Variants in LMO3 observed in about 807,000 individuals in gnomAD.
LMO3 encodes the protein LIM domain only 3.
A neutral mutation model predicts 15.8 loss-of-function variants in LMO3; 2 were observed. The ratio of observed to expected loss-of-function variants is 0.13; its 90% confidence interval spans 0.05 to 0.40. The LOEUF is 0.40. Ranked by LOEUF, LMO3 falls within the 10% of genes least tolerant of loss-of-function variation. The pLI, the probability that LMO3 is intolerant of heterozygous loss-of-function variation, is 0.99. For synonymous variants in LMO3, 62 were observed against 63.8 expected, an observed-to-expected ratio of 0.97 and a Z score of 0.13; for missense variants, 86 against 182.2, an observed-to-expected ratio of 0.47 and a Z score of 3.04.
rs566588885 is a variant in LMO3, at chr12:16,550,283, CAAG to C, written c.*936_*938del. ...TGGAGAGATCTGGGCAGAATTTATA[CAAG>C]AAGAAGTTTAATTTATCACTTAAAA... On this transcript the variant is annotated 3_prime_UTR_variant, in exon 4 of 4. Transcript: ENST00000537304. 7.2e-5 allele frequency: 11 copies of C among 152,482 alleles called. No individual in the cohort carries two copies. The East Asian group carries it at 2.1e-3, about 29-fold the overall frequency. The allele number at this position is 152,482 out of a possible 1,614,324, so 9.4% of individuals were successfully genotyped here.
rs1454983314 is a variant in LMO3, at chr12:16,587,557, T to C, written c.206+13098A>G. Among the ~76,000 whole-genome samples the C allele has an allele frequency of 1.3e-5, 2 of 152,134 alleles. No individual in the cohort carries two copies. The highest frequency in any genetic ancestry group is 2.9e-5 in the Non-Finnish European group (2 of 68,008). On this transcript the variant is annotated intron_variant, in intron 2 of 3. Transcript: ENST00000537304. The surrounding 1 kb of genome is among the most constrained non-coding windows in gnomAD (Gnocchi z 4.3). ...GAGTTTTGGCCCCTTAATAGTAGCC[T>C]ACATGGTTGACTACCCTTGGTGTTA...
chr12:16,561,245 A>G (rs1403127724), intron 2 of LMO3, among the ~76,000 whole-genome samples: 1 of 152,234 alleles, frequency 6.6e-6, no homozygotes, highest in Non-Finnish European at 1.5e-5. Flanking sequence ...ATGACCTAAA[A>G]GAAGTACAAA....
At chr12:16,610,168 A>T (rs914823075), upstream of LMO3, 1 of 152,132 alleles carries the variant, frequency 6.6e-6, no homozygotes, top group Non-Finnish European at 1.5e-5. Context: ...AACTGCATAC[A>T]AAACCTGAGT....
In LMO3 at chr12:16,597,522, T is replaced by C. The variant is rs76627300; in HGVS notation, c.206+3133A>G. The C allele has an allele frequency of 5.3e-5, 8 of 151,930 alleles. No individual in the cohort carries two copies. The East Asian group carries it at 1.5e-3, about 29-fold the overall frequency. The allele number at this position is 151,930 out of a possible 1,614,324, so 9.4% of individuals were successfully genotyped here. ...TTCTTTCTGTTTATGGAGGGAGAAG[T>C]GTATTAAGAAGCTAAATGTAATTGG... is the stretch of plus-strand genomic sequence containing the variant. On this transcript the variant is annotated intron_variant, in intron 2 of 3. Transcript: ENST00000537304. The surrounding 1 kb of genome is among the most constrained non-coding windows in gnomAD (Gnocchi z 5.0).
At chr12:16,558,601 C>T (rs764575181) in intron 3 of LMO3, among the ~76,000 whole-genome samples, 1 of 152,060 alleles carries the variant, frequency 6.6e-6, no homozygotes, top group Non-Finnish European at 1.5e-5. Context: ...AAATGTTACC[C>T]TAGACTGAAT....
chr12:16,589,023 T>C lies in LMO3; in HGVS notation c.206+11632A>G, dbSNP rs1246444753. Among the ~76,000 whole-genome samples, 2 of 151,836 alleles carry C rather than the reference T, an allele frequency of 1.3e-5. No homozygotes were observed. The highest frequency in any genetic ancestry group is 2.9e-5 in the Non-Finnish European group (2 of 67,946). On this transcript the variant is annotated intron_variant, in intron 2 of 3. Coordinates refer to ENST00000537304, the MANE Select transcript of LMO3 (RefSeq NM_018640.5). The surrounding 1 kb of genome is among the most constrained non-coding windows in gnomAD (Gnocchi z 4.2). ...AGAAGAAAACGCAGACTTGGAGAGGTTGAGTAAGTTGCCTAGGAATGTGAA... is the reference window on the plus strand; with the variant it reads ...AGAAGAAAACGCAGACTTGGAGAGGCTGAGTAAGTTGCCTAGGAATGTGAA...
chr12:16,551,094 T>C lies in LMO3; in HGVS notation c.*128A>G, dbSNP rs1941971768. The C allele has an allele frequency of 4.7e-6, 3 of 632,750 alleles. No individual in the cohort carries two copies. The highest frequency in any genetic ancestry group is 2.6e-5 in the Admixed American group (1 of 38,984). The allele number at this position is 632,750 out of a possible 1,614,324, so 39.2% of individuals were successfully genotyped here. On this transcript the variant is annotated 3_prime_UTR_variant, in exon 4 of 4. Coordinates refer to ENST00000537304, the MANE Select transcript of LMO3 (RefSeq NM_018640.5). ...CAGATGCAGTCCGCCTTTTATTCCA[T>C]ATAACCATCCTGCCTTCCTATATCT...
rs1168181343 is a variant in LMO3 at position 16,589,678 on chromosome 12, A to G, written c.206+10977T>C. The G allele has an allele frequency of 2.6e-5, 4 of 152,096 alleles. No homozygotes were observed. Among genetic ancestry groups the G allele is most frequent in the South Asian group, 2.1e-4 (1 of 4,832 alleles). The allele number at this position is 152,096 out of a possible 1,614,324, so 9.4% of individuals were successfully genotyped here. A position where few individuals can be genotyped will look rare whatever the true frequency, so the allele number is the denominator to read the frequency against. On this transcript the variant is annotated intron_variant, in intron 2 of 3. Transcript: ENST00000537304. This position sits in a 1 kb window ranked among gnomAD's most constrained non-coding sequence, Gnocchi z 4.2. ...AGATTATTTAAACACCAAGCAAACT[A>G]TCAGGTCAAGATCAAGCAACTTTTC...
Position 16,559,017 on chromosome 12 carries a change from G to A in LMO3, c.332+1396C>T, listed in dbSNP as rs376833962. 1.5e-4 allele frequency among the ~76,000 whole-genome samples: 23 copies of A among 152,160 alleles called. No homozygotes were observed. The highest frequency in any genetic ancestry group is 7.7e-4 in the East Asian group (4 of 5,180). Reference sequence around the variant, plus strand: ...ATGGTGGTGCTGAAATTTGAATCCCGTTCTCACTAGAAATGTCACATTCTT... The same window carrying A: ...ATGGTGGTGCTGAAATTTGAATCCCATTCTCACTAGAAATGTCACATTCTT... On this transcript the variant is annotated intron_variant, in intron 3 of 3. Coordinates refer to ENST00000537304, the MANE Select transcript of LMO3 (RefSeq NM_018640.5). This position sits in a 1 kb window ranked among gnomAD's most constrained non-coding sequence, Gnocchi z 4.1.
At chr12:16,605,955 A>G in intron 1 of LMO3, 111 bp downstream of exon 1, 7 of 816,830 alleles carry the variant, frequency 8.6e-6, no homozygotes, top group Non-Finnish European at 1.4e-5. Context: ...ATGCCTCATT[A>G]GCAGAGGTTG....
At chr12:16,567,197 AAAACAAACAAAC>A (rs145977478) in intron 2 of LMO3, among the ~76,000 whole-genome samples, 4 of 151,448 alleles carry the variant, frequency 2.6e-5, no homozygotes, top group South Asian at 2.1e-4. Context: ...ACTCCACCTC[AAAACAAACAAAC>A]AAACAAACAA....
Position 16,550,999 on chromosome 12 carries a change from G to A in LMO3, c.*223C>T. 2 of 441,668 alleles carry A rather than the reference G, an allele frequency of 4.5e-6. No homozygotes were observed. The highest frequency in any genetic ancestry group is 1.9e-5 in the African/African-American group (1 of 51,480). The allele number at this position is 441,668 out of a possible 1,614,324, so 27.4% of individuals were successfully genotyped here. A position where few individuals can be genotyped will look rare whatever the true frequency, so the allele number is the denominator to read the frequency against. ...AACGAATAGCAAGCAAAAAAATCCA[G>A]CCATATGTACATTACTTTTTTCTTT... On this transcript the variant is annotated 3_prime_UTR_variant, in exon 4 of 4. Coordinates refer to ENST00000537304, the MANE Select transcript of LMO3 (RefSeq NM_018640.5).
intron 1 of LMO3, chr12:16,605,516 G>A (rs1591839133): frequency 1.9e-6 from 1 of 536,370 alleles, no homozygotes; most frequent in Middle Eastern, 5.7e-4. Flanking sequence ...ATGGCTGCGT[G>A]GAGAGAGGCA....
At chr12:16,552,620 G>C (rs1386942941) in intron 3 of LMO3, among the ~76,000 whole-genome samples, 1 of 151,978 alleles carries the variant, frequency 6.6e-6, no homozygotes, top group African/African-American at 2.4e-5. Flanking sequence ...AAAAGAATTA[G>C]CTTTCCTCTT....
chr12:16,605,753 C>G, intron 1 of LMO3: 1 of 1,534,988 alleles, frequency 6.5e-7, no homozygotes, highest in Non-Finnish European at 8.7e-7. Flanking sequence ...TGACTATTAT[C>G]CACTCGAGTC....
At chr12:16,565,398 G>T (rs1942565951) in intron 2 of LMO3, among the ~76,000 whole-genome samples, 1 of 152,120 alleles carries the variant, frequency 6.6e-6, no homozygotes, top group Non-Finnish European at 1.5e-5. Flanking sequence ...GATAGAAAAT[G>T]AAAACACTTT....
chr12:16,605,927 G>A, intron 1 of LMO3, 139 bp downstream of exon 1: 1 of 1,137,390 alleles, frequency 8.8e-7, no homozygotes, highest in Non-Finnish European at 1.3e-6. Flanking sequence ...GTGCGGAGCT[G>A]GGTTGCAGCT....
Position 16,604,069 on chromosome 12 carries a change from G to A in LMO3, c.-9+1997C>T, listed in dbSNP as rs753405652. Among the ~76,000 whole-genome samples the A allele has an allele frequency of 2.0e-5, 3 of 152,176 alleles. No homozygotes were observed. The highest frequency in any genetic ancestry group is 7.2e-5 in the African/African-American group (3 of 41,434). On this transcript the variant is annotated intron_variant, in intron 1 of 3. Transcript: ENST00000537304. This position sits in a 1 kb window ranked among gnomAD's most constrained non-coding sequence, Gnocchi z 5.3. ...TTCTGCAGCTGGGAGCATTGACACAGATTAAAAGAATTTGGCCAACATGGC... is the reference window on the plus strand; with the variant it reads ...TTCTGCAGCTGGGAGCATTGACACAAATTAAAAGAATTTGGCCAACATGGC...
At chr12:16,605,148 G>A (rs750117035) in intron 1 of LMO3, 234 of 1,395,714 alleles carry the variant, frequency 1.7e-4, no homozygotes, top group Admixed American at 1.3e-3. Context: ...GATGGCGAAT[G>A]ACAAAGCCAC....
Sources: gnomAD v4.1 joint callset for allele counts (sites outside exome capture counted in the v4.1 genomes callset) on GRCh38, gnomAD v4.1.1 for gene constraint, Gnocchi (gnomAD v3.1) non-coding constraint, MANE v1.5 for transcripts, NCBI Gene and HGNC (gene_info 2026-07-23, HGNC 2026-07-21) for gene names.